The following DHRSX variants were observed in gnomAD, a reference collection of about 807,000 sequenced individuals.
The protein encoded by DHRSX is polyprenol dehydrogenase.
DHRSX carries 31 observed loss-of-function variants against 34.0 expected under a neutral mutation model. That is an observed-to-expected ratio of 0.91 (90% CI 0.69 to 1.23). The LOEUF is 1.23. Ranked by LOEUF, DHRSX falls within the 50% of genes most tolerant of loss-of-function variation. The pLI, the probability that DHRSX is intolerant of heterozygous loss-of-function variation, is 0.00. For synonymous variants in DHRSX, 201 were observed against 183.8 expected (o/e 1.09, Z -0.76); for missense variants, 414 against 428.1 (o/e 0.97, Z 0.29).
chrX:2,337,072 G>A (rs1233915311), intron 3 of DHRSX, among the ~76,000 whole-genome samples: 1 of 152,024 alleles, frequency 6.6e-6, no homozygotes, highest in Non-Finnish European at 1.5e-5. Context: ...CCAAAGTGCT[G>A]GGATTACAGG....
intron 6 of DHRSX, among the ~76,000 whole-genome samples, chrX:2,223,492 C>T (rs181688427): frequency 1.9e-4 from 29 of 152,168 alleles, no homozygotes; most frequent in Admixed American, 1.3e-3. Flanking sequence ...ATCTCGGGGG[C>T]GGATGCAGGC....
At chrX:2,330,846 A>G (rs1448319233) in intron 3 of DHRSX, among the ~76,000 whole-genome samples, 1 of 152,124 alleles carries the variant, frequency 6.6e-6, no homozygotes, top group African/African-American at 2.4e-5. Context: ...GAGAAAACCT[A>G]CTTGTGAAAG....
chrX:2,268,685 T>A lies in DHRSX; in HGVS notation c.389-1738A>T, dbSNP rs140216086. On this transcript the variant is annotated intron_variant, in intron 4 of 6. Coordinates refer to ENST00000334651, the MANE Select transcript of DHRSX (RefSeq NM_145177.3). ...GTGTACACATTTATTCACATGTATA[T>A]ACATGTCCATACACATTTACATCTT... is the stretch of plus-strand genomic sequence containing the variant. 6.5e-3 allele frequency among the ~76,000 whole-genome samples: 990 copies of A among 152,378 alleles called. 18 individuals carry two copies. Among genetic ancestry groups the A allele is most frequent in the African/African-American group, 0.023 (939 of 41,590 alleles).
In DHRSX at chrX:2,355,756, G is replaced by A. The variant is rs772411870; in HGVS notation, c.286+52989C>T. ...AAGCCCGGACAATAGTAGACAGAGG[G>A]AAGATCAAAATCAAGAATGAGGAGA... On this transcript the variant is annotated intron_variant, in intron 3 of 6. Coordinates refer to ENST00000334651, the MANE Select transcript of DHRSX (RefSeq NM_145177.3). 1.8e-4 allele frequency among the ~76,000 whole-genome samples: 28 copies of A among 152,084 alleles called. 1 individual carries two copies. In the East Asian group the frequency reaches 4.8e-3, roughly 26 times the overall value.
intron 3 of DHRSX, among the ~76,000 whole-genome samples, chrX:2,375,718 C>T (rs1247944270): frequency 1.5e-5 from 2 of 136,086 alleles, no homozygotes; most frequent in African/African-American, 2.5e-5. Flanking sequence ...CTGCAACGTC[C>T]GCCTCCTAGG....
chrX:2,451,017 T>C (rs1223120300), intron 1 of DHRSX, among the ~76,000 whole-genome samples: 2 of 152,024 alleles, frequency 1.3e-5, no homozygotes, highest in Non-Finnish European at 2.9e-5. Context: ...CACCAGACAC[T>C]GAATCCGCCA....
chrX:2,246,921 A>C (rs770565500), intron 5 of DHRSX, among the ~76,000 whole-genome samples: 5 of 152,116 alleles, frequency 3.3e-5, no homozygotes, highest in African/African-American at 1.2e-4. Context: ...CATAAATGAT[A>C]CCACTGGGGA....
chrX:2,309,194 G>C (rs1035189734), intron 3 of DHRSX, among the ~76,000 whole-genome samples: 2 of 151,990 alleles, frequency 1.3e-5, no homozygotes, highest in Non-Finnish European at 2.9e-5. Flanking sequence ...ATGAAGAAAG[G>C]GTAGATGAGT....
chrX:2,399,406 T>TAAA (rs776224649), intron 3 of DHRSX, among the ~76,000 whole-genome samples: 82 of 142,308 alleles, frequency 5.8e-4, no homozygotes, highest in East Asian at 1.0e-3. Context: ...ATTTTATGTT[T>TAAA]AAAAAAAAAA....
intron 3 of DHRSX, among the ~76,000 whole-genome samples, chrX:2,360,619 T>C (rs910834806): frequency 4.9e-4 from 74 of 151,874 alleles, no homozygotes; most frequent in Non-Finnish European, 9.9e-4. Flanking sequence ...CACCCACCAT[T>C]TCTTGGGTAT....
intron 1 of DHRSX, among the ~76,000 whole-genome samples, chrX:2,450,432 A>C (rs763811448): frequency 1.4e-4 from 22 of 152,238 alleles, no homozygotes; most frequent in African/African-American, 5.3e-4. Flanking sequence ...ACTGTACTCC[A>C]GGCTTGGCAA....
chrX:2,358,205 G>C (rs1356812231), intron 3 of DHRSX, among the ~76,000 whole-genome samples: 1 of 152,134 alleles, frequency 6.6e-6, no homozygotes, highest in Admixed American at 6.6e-5. Context: ...ACTATCAACA[G>C]CGTGAACAGA....
At chrX:2,432,204 T>G (rs762491854) in intron 1 of DHRSX, among the ~76,000 whole-genome samples, 1 of 150,934 alleles carries the variant, frequency 6.6e-6, no homozygotes, top group Non-Finnish European at 1.5e-5. Context: ...AAAAAAAAAA[T>G]TTTTTTTAAT....
intron 6 of DHRSX, among the ~76,000 whole-genome samples, chrX:2,221,492 C>A (rs1256398661): frequency 1.3e-5 from 2 of 152,120 alleles, no homozygotes; most frequent in African/African-American, 4.8e-5. Flanking sequence ...TAGGCAGATG[C>A]ATATTAAAAT....
chrX:2,397,930 G>GCACACACA lies in DHRSX; in HGVS notation c.286+10807_286+10814dup, dbSNP rs111697078. On this transcript the variant is annotated intron_variant, in intron 3 of 6. Transcript: ENST00000334651. Reference sequence around the variant, plus strand: ...AAAAGTGCCAATATCCTCAGAGCGCGCACACACACACACACACACACACAT... The same window carrying GCACACACA: ...AAAAGTGCCAATATCCTCAGAGCGCGCACACACACACACACACACACACACACACACAT... Among the ~76,000 whole-genome samples, 699 of 138,520 alleles carry GCACACACA rather than the reference G, an allele frequency of 5.0e-3. 11 individuals are homozygous for GCACACACA. The highest frequency in any genetic ancestry group is 0.017 in the African/African-American group (597 of 34,324). 90.9% of individuals were successfully genotyped at this position (138,520 alleles called of 152,430 possible). A position where few individuals can be genotyped will look rare whatever the true frequency, so the allele number is the denominator to read the frequency against.
chrX:2,252,651 A>C (rs899340409), intron 5 of DHRSX, among the ~76,000 whole-genome samples: 2 of 152,172 alleles, frequency 1.3e-5, no homozygotes, highest in African/African-American at 4.8e-5. Context: ...AGCGTGGAGA[A>C]GAGAGAACTA....
At chrX:2,421,136 T>A (rs2043774441) in intron 2 of DHRSX, among the ~76,000 whole-genome samples, 1 of 152,126 alleles carries the variant, frequency 6.6e-6, no homozygotes. Flanking sequence ...CCCAGCACTT[T>A]GGGAAGCCGA....
intron 1 of DHRSX, among the ~76,000 whole-genome samples, chrX:2,478,781 A>C (rs1428581255): frequency 6.6e-6 from 1 of 151,880 alleles, no homozygotes; most frequent in Non-Finnish European, 1.5e-5. Context: ...GTAGGCACTG[A>C]CGACGTTCCC....
intron 4 of DHRSX, among the ~76,000 whole-genome samples, chrX:2,272,058 C>G (rs1428217031): frequency 6.6e-6 from 1 of 151,736 alleles, no homozygotes; most frequent in Admixed American, 6.6e-5. Flanking sequence ...AACATACCTG[C>G]ACCTGTCTGT....
Sources: gnomAD v4.1 joint callset for allele counts (sites outside exome capture counted in the v4.1 genomes callset) on GRCh38, gnomAD v4.1.1 for gene constraint, MANE v1.5 for transcripts, NCBI Gene and HGNC (gene_info 2026-07-23, HGNC 2026-07-21) for gene names.